The following AGBL3 variants were observed in gnomAD, a reference collection of about 807,000 sequenced individuals.
AGBL3 encodes the protein cytosolic carboxypeptidase 3.
A neutral mutation model predicts 94.5 loss-of-function variants in AGBL3; 68 were observed. That is an observed-to-expected ratio of 0.72 (90% CI 0.59 to 0.88). The LOEUF (loss-of-function observed/expected upper bound fraction) is 0.88, where lower values mean the gene tolerates loss of function less well. Ranked by LOEUF, AGBL3 falls within the 40% of genes least tolerant of loss-of-function variation. AGBL3 has a pLI of 0.00. For synonymous variants in AGBL3, 354 were observed against 370.7 expected, an observed-to-expected ratio of 0.95 and a Z score of 0.52; for missense variants, 934 against 1,103.8, an observed-to-expected ratio of 0.85 and a Z score of 2.18.
At chr7:135,102,262 T>A (rs1354381853) in intron 15 of AGBL3, among the ~76,000 whole-genome samples, 1 of 152,214 alleles carries the variant, frequency 6.6e-6, no homozygotes, top group African/African-American at 2.4e-5. Flanking sequence ...AGTTTCTTCA[T>A]TAGGTCTAAA....
At chr7:134,994,384 T>C (rs1039169819) in intron 4 of AGBL3, among the ~76,000 whole-genome samples, 1 of 151,882 alleles carries the variant, frequency 6.6e-6, no homozygotes, top group African/African-American at 2.4e-5. Flanking sequence ...TTTTAGTATA[T>C]ATAGATTTTA....
At chr7:135,134,646 T>G (rs1183735324) in intron 16 of AGBL3, among the ~76,000 whole-genome samples, 195 bp from the exon 17 acceptor site, 3 of 151,738 alleles carry the variant, frequency 2.0e-5, no homozygotes, top group Non-Finnish European at 4.4e-5. Flanking sequence ...CATTTAGAAA[T>G]ACAGGATTGG....
chr7:135,111,862 CA>C (rs1825689692), intron 15 of AGBL3, among the ~76,000 whole-genome samples: 1 of 152,180 alleles, frequency 6.6e-6, no homozygotes, highest in Admixed American at 6.6e-5. Flanking sequence ...TGACAACCAT[CA>C]TATTTTTTAA....
intron 3 of AGBL3, among the ~76,000 whole-genome samples, chr7:134,991,866 CCA>C (rs1158235300): frequency 7.9e-5 from 12 of 152,220 alleles, no homozygotes; most frequent in Admixed American, 5.9e-4. Context: ...GCCATTTGCA[CCA>C]CCACACTTCT....
chr7:135,120,406 TAA>T (rs377364074), intron 16 of AGBL3, among the ~76,000 whole-genome samples: 44 of 152,288 alleles, frequency 2.9e-4, no homozygotes, highest in African/African-American at 9.9e-4. Context: ...TAAATTGTGA[TAA>T]GTTATGCATA....
chr7:135,127,783 T>C (rs1401631381), intron 16 of AGBL3, among the ~76,000 whole-genome samples: 2 of 152,178 alleles, frequency 1.3e-5, no homozygotes, highest in Non-Finnish European at 2.9e-5. Flanking sequence ...CTCAAGGATC[T>C]AGAACCAGAA....
At chr7:135,019,476 C>A (rs1014408127) in intron 5 of AGBL3, among the ~76,000 whole-genome samples, 28 of 151,900 alleles carry the variant, frequency 1.8e-4, no homozygotes, top group Non-Finnish European at 2.9e-5. Context: ...ACTTTTTTAT[C>A]TTTGTCTTTG....
At chr7:135,020,963 C>A (rs1287600401) in intron 5 of AGBL3, among the ~76,000 whole-genome samples, 1 of 148,952 alleles carries the variant, frequency 6.7e-6, no homozygotes, top group Non-Finnish European at 1.5e-5. Context: ...ATGTAAATGA[C>A]GAGTTAATGG....
intron 15 of AGBL3, among the ~76,000 whole-genome samples, chr7:135,104,547 CA>C (rs2117062532): frequency 6.6e-6 from 1 of 152,302 alleles, no homozygotes; most frequent in South Asian, 2.1e-4. Context: ...CTCCCACCAA[CA>C]GTGTATAAGA....
At chr7:135,112,786 T>G (rs1261491109) in intron 15 of AGBL3, among the ~76,000 whole-genome samples, 1 of 152,194 alleles carries the variant, frequency 6.6e-6, no homozygotes, top group African/African-American at 2.4e-5. Flanking sequence ...TTATTTTTAT[T>G]TTTTTGAGAT....
chr7:135,022,974 CT>C (rs1207419680), intron 5 of AGBL3, among the ~76,000 whole-genome samples: 1 of 152,016 alleles, frequency 6.6e-6, no homozygotes, highest in Non-Finnish European at 1.5e-5. Context: ...TCCATTTTAT[CT>C]CCACTATTGG....
At chr7:135,048,471 T>G (rs1817578179) in intron 11 of AGBL3, among the ~76,000 whole-genome samples, 1 of 151,962 alleles carries the variant, frequency 6.6e-6, no homozygotes, top group Non-Finnish European at 1.5e-5. Context: ...ATATTAAGTC[T>G]TCTGATCCAC....
intron 11 of AGBL3, among the ~76,000 whole-genome samples, chr7:135,047,478 T>C (rs1161529236): frequency 2.0e-5 from 3 of 152,028 alleles, no homozygotes; most frequent in African/African-American, 7.2e-5. Context: ...GCAGCTGCAC[T>C]GTTTTGTATT....
chr7:135,088,720 T>C (rs1821534059), intron 15 of AGBL3, among the ~76,000 whole-genome samples: 1 of 152,162 alleles, frequency 6.6e-6, no homozygotes, highest in Non-Finnish European at 1.5e-5. Flanking sequence ...GCCTGTAAAG[T>C]TTCTGCAAAG....
intron 4 of AGBL3, among the ~76,000 whole-genome samples, chr7:135,016,018 G>A (rs1175772864): frequency 1.3e-5 from 2 of 148,528 alleles, no homozygotes; most frequent in African/African-American, 5.1e-5. Flanking sequence ...GCGACAGAGC[G>A]ACACTCCATC....
chr7:135,066,933 C>T (rs1043931593), intron 12 of AGBL3, among the ~76,000 whole-genome samples: 9 of 152,176 alleles, frequency 5.9e-5, no homozygotes, highest in Non-Finnish European at 1.3e-4. Context: ...CGAAGCAGGG[C>T]GAGGCATTGC....
intron 15 of AGBL3, chr7:135,094,041 C>T (rs1471206641): frequency 5.3e-6 from 1 of 186,928 alleles, no homozygotes; most frequent in Non-Finnish European, 1.1e-5. Flanking sequence ...AACTGGATAT[C>T]CACATGCAAA....
intron 5 of AGBL3, among the ~76,000 whole-genome samples, chr7:135,019,598 G>A (rs1047204342): frequency 1.3e-5 from 2 of 151,826 alleles, no homozygotes; most frequent in Admixed American, 6.6e-5. Flanking sequence ...GACTATCCTC[G>A]CATTGCCAAG....
chr7:135,032,825 G>C lies in AGBL3; in HGVS notation c.419-19G>C. 1 of 1,536,114 alleles carries C rather than the reference G, an allele frequency of 6.5e-7. No individual in the cohort carries two copies. Among genetic ancestry groups the C allele is most frequent in the Non-Finnish European group, 8.8e-7 (1 of 1,140,760 alleles). On this transcript the variant is annotated intron_variant, in intron 5 of 16. Transcript: ENST00000436302. ...TTTAGGTATACCTTGACATCTTTAT[G>C]ATCTTCTTCTCTCATCAGCTTACAA...
Sources: allele counts gnomAD v4.1 joint callset (sites outside exome capture counted in the v4.1 genomes callset), GRCh38; gene constraint gnomAD v4.1.1; transcripts MANE v1.5; gene names NCBI Gene and HGNC (gene_info 2026-07-23, HGNC 2026-07-21).